ADCY2: variants seen among roughly 807,000 people sequenced by gnomAD.
ADCY2 encodes adenylate cyclase 2, also known as adenylate cyclase type 2.
In ADCY2, 31 loss-of-function variants were observed where a neutral mutation model predicts 125.2. That is an observed-to-expected ratio of 0.25 (90% confidence interval 0.19 to 0.33). ADCY2 has a LOEUF of 0.33. ADCY2 is among the 10% of genes least tolerant of loss of function. The pLI is 1.00. For missense variants in ADCY2, 904 were observed against 1,418.2 expected (o/e 0.64, Z 5.82); for synonymous variants, 512 against 548.4 (o/e 0.93, Z 0.93).
chr5:7,665,894 A>G (rs1299082865), intron 4 of ADCY2, among the ~76,000 whole-genome samples: 1 of 113,528 alleles, frequency 8.8e-6, no homozygotes, highest in Non-Finnish European at 1.6e-5. Flanking sequence ...GCTGGAGTGC[A>G]GTGGTGCCAT....
At chr5:7,771,780 A>G (rs1743564156) in intron 17 of ADCY2, among the ~76,000 whole-genome samples, 1 of 152,240 alleles carries the variant, frequency 6.6e-6, no homozygotes, top group Non-Finnish European at 1.5e-5. Flanking sequence ...AGCAGTTCTT[A>G]CCAGGCTTAC....
intron 3 of ADCY2, among the ~76,000 whole-genome samples, chr5:7,610,226 C>A (rs1035043192): frequency 6.6e-6 from 1 of 152,140 alleles, no homozygotes; most frequent in Non-Finnish European, 1.5e-5. Flanking sequence ...CAAGGGAGAA[C>A]TTGGGGGAAT....
At chr5:7,516,442 C>T (rs17826588) in intron 2 of ADCY2, among the ~76,000 whole-genome samples, 60,003 of 151,898 alleles carry the variant, frequency 0.4, 12,777 homozygotes, top group Non-Finnish European at 0.48. Context: ...TCACAAAGGA[C>T]TGTCACCACT....
At chr5:7,661,070 T>C (rs539884332) in intron 4 of ADCY2, among the ~76,000 whole-genome samples, 1 of 152,308 alleles carries the variant, frequency 6.6e-6, no homozygotes, top group East Asian at 1.9e-4. Context: ...TTTAATTTTC[T>C]TTGGCTACTT....
At chr5:7,612,034 AAG>A (rs1468925140) in intron 3 of ADCY2, among the ~76,000 whole-genome samples, 1 of 152,186 alleles carries the variant, frequency 6.6e-6, no homozygotes, top group Non-Finnish European at 1.5e-5. Flanking sequence ...TTCAACTGAA[AAG>A]AGTTGTTGGC....
At chr5:7,796,547 A>T (rs780486512) in intron 20 of ADCY2, 2 of 152,254 alleles carry the variant, frequency 1.3e-5, no homozygotes, top group East Asian at 3.8e-4. Flanking sequence ...TTTTATTTCA[A>T]TGAAGAAGTG....
chr5:7,513,106 C>CACACACACACAG (rs777343291), intron 2 of ADCY2, among the ~76,000 whole-genome samples: 6,029 of 138,300 alleles, frequency 0.044, 197 homozygotes, highest in Non-Finnish European at 0.067. Flanking sequence ...CACACACACA[C>CACACACACACAG]AGAGAGAGAG....
intron 3 of ADCY2, among the ~76,000 whole-genome samples, chr5:7,598,181 GAGTCCTAC>G (rs1737073229): frequency 6.6e-6 from 1 of 152,174 alleles, no homozygotes; most frequent in Non-Finnish European, 1.5e-5. Flanking sequence ...CTCCTGTGCT[GAGTCCTAC>G]AGTCACTTCC....
intron 15 of ADCY2, among the ~76,000 whole-genome samples, chr5:7,753,767 C>T (rs1011799333): frequency 2.0e-5 from 3 of 152,156 alleles, no homozygotes; most frequent in African/African-American, 7.2e-5. Flanking sequence ...TCTGCTCCCC[C>T]CACCAGCTTG....
At chr5:7,663,725 C>A (rs936185294) in intron 4 of ADCY2, among the ~76,000 whole-genome samples, 1 of 152,168 alleles carries the variant, frequency 6.6e-6, no homozygotes, top group Non-Finnish European at 1.5e-5. Flanking sequence ...TTGGACGAAG[C>A]ATATTTGGTC....
rs942617628 is a variant in ADCY2 at position 7,407,903 on chromosome 5, C to T, written c.211-6670C>T. Reference sequence around the variant, plus strand: ...TTTTTTTTTGAGACAGAGTCTCGCTCTGTCGATCCAGCTGGAGTACAGTGG... The same window carrying T: ...TTTTTTTTTGAGACAGAGTCTCGCTTTGTCGATCCAGCTGGAGTACAGTGG... On this transcript the variant is annotated intron_variant, in intron 1 of 24. Transcript: ENST00000338316. Among the ~76,000 whole-genome samples the T allele has an allele frequency of 8.3e-4, 122 of 146,600 alleles. 9 individuals are homozygous for T. Among genetic ancestry groups the T allele is most frequent in the Non-Finnish European group, 3.6e-4 (24 of 67,210 alleles).
At chr5:7,815,587 T>G (rs1745084586) in intron 22 of ADCY2, among the ~76,000 whole-genome samples, 1 of 152,172 alleles carries the variant, frequency 6.6e-6, no homozygotes, top group South Asian at 2.1e-4. Flanking sequence ...TTTAAAAAGG[T>G]GAAATTCCAA....
At chr5:7,524,466 C>G (rs1734374904) in intron 3 of ADCY2, among the ~76,000 whole-genome samples, 1 of 152,140 alleles carries the variant, frequency 6.6e-6, no homozygotes, top group Non-Finnish European at 1.5e-5. Flanking sequence ...TCAAGTTCCT[C>G]CAGCTTTCCC....
At chr5:7,521,022 C>A in intron 3 of ADCY2, 123 bp downstream of exon 3, 1 of 1,195,112 alleles carries the variant, frequency 8.4e-7, no homozygotes, top group East Asian at 2.4e-5. Context: ...CTTTCTGCCC[C>A]TTGAGACTGA....
chr5:7,788,138 T>A (rs909682530), intron 19 of ADCY2, among the ~76,000 whole-genome samples: 1 of 152,186 alleles, frequency 6.6e-6, no homozygotes, highest in African/African-American at 2.4e-5. Context: ...AAATCTGGCA[T>A]GAACGTGAAA....
intron 2 of ADCY2, among the ~76,000 whole-genome samples, chr5:7,519,373 G>A (rs1744362908): frequency 6.6e-6 from 1 of 152,172 alleles, no homozygotes; most frequent in South Asian, 2.1e-4. Flanking sequence ...CAGCTGTGCA[G>A]CGCTTGAGCG....
intron 17 of ADCY2, among the ~76,000 whole-genome samples, chr5:7,768,870 C>T (rs896880508): frequency 1.3e-5 from 2 of 152,162 alleles, no homozygotes; most frequent in African/African-American, 4.8e-5. Context: ...CGTGGACTGG[C>T]TGCCCAGAAA....
At chr5:7,624,598 C>T (rs1302616737) in intron 3 of ADCY2, among the ~76,000 whole-genome samples, 1 of 152,160 alleles carries the variant, frequency 6.6e-6, no homozygotes, top group Non-Finnish European at 1.5e-5. Context: ...TTCTCCTGCT[C>T]TCCTTGGGAG....
At chr5:7,661,137 A>G (rs2973317) in intron 4 of ADCY2, among the ~76,000 whole-genome samples, 149,384 of 152,258 alleles carry the variant, frequency 0.98, 73,319 homozygotes, top group Non-Finnish European at 1. Context: ...TTGGGGCATC[A>G]AAACTGTTTT....
Sources: allele counts gnomAD v4.1 joint callset (sites outside exome capture counted in the v4.1 genomes callset), GRCh38; gene constraint gnomAD v4.1.1; transcripts MANE v1.5; gene names NCBI Gene and HGNC (gene_info 2026-07-23, HGNC 2026-07-21).